The following SLIT2 variants were observed in gnomAD, a reference collection of about 807,000 sequenced individuals.
The protein encoded by SLIT2 is slit homolog 2 protein.
SLIT2 carries 41 observed loss-of-function variants against 185.7 expected under a neutral mutation model. The ratio of observed to expected loss-of-function variants is 0.22; its 90% CI spans 0.17 to 0.29. The LOEUF is 0.29. Among genes scored for constraint, SLIT2 ranks in the 10% least tolerant of loss-of-function variants. SLIT2 has a pLI of 1.00. For synonymous variants in SLIT2, 693 were observed against 680.2 expected, an observed-to-expected ratio of 1.02 and a Z score of -0.29; for missense variants, 1,571 against 1,909.0, an observed-to-expected ratio of 0.82 and a Z score of 3.30.
intron 4 of SLIT2, among the ~76,000 whole-genome samples, chr4:20,298,045 G>A (rs1002602616): frequency 2.0e-5 from 3 of 151,448 alleles, no homozygotes; most frequent in Admixed American, 6.6e-5. Context: ...AAAGGCATAT[G>A]TGCAGAAAAG....
rs1207172462 is a variant in SLIT2, at chr4:20,417,442, A to G, written c.396-50310A>G. 4.8e-5 allele frequency among the ~76,000 whole-genome samples: 7 copies of G among 144,456 alleles called. 1 individual carries two copies. Among genetic ancestry groups the G allele is most frequent in the South Asian group, 2.1e-4 (1 of 4,700 alleles). The allele number at this position is 144,456 out of a possible 152,430, so 94.8% of individuals were successfully genotyped here. ...CATATATATATGTGTGTGTGTATAT[A>G]TATATATATATATATACGTATATAT... is the stretch of plus-strand genomic sequence containing the variant. On this transcript the variant is annotated intron_variant, in intron 4 of 36. Coordinates refer to ENST00000504154, the MANE Select transcript of SLIT2 (RefSeq NM_004787.4).
rs189892678 is a variant in SLIT2, at chr4:20,552,668, G to A, written c.2562-1137G>A. The A allele has an allele frequency of 2.1e-4, 32 of 152,138 alleles. No homozygotes were observed. In the Middle Eastern group the frequency reaches 0.01, roughly 49 times the overall value. The allele number at this position is 152,138 out of a possible 1,614,324, so 9.4% of individuals were successfully genotyped here. On this transcript the variant is annotated intron_variant, in intron 25 of 36. Transcript: ENST00000504154. Reference sequence around the variant, plus strand: ...ATTCACTACATTCTGATTCTTAAACGGGGCATTAAAACTTCCACAGTATCG... The same window carrying A: ...ATTCACTACATTCTGATTCTTAAACAGGGCATTAAAACTTCCACAGTATCG...
chr4:20,616,178 C>A (rs1164011673), intron 34 of SLIT2: 1 of 152,174 alleles, frequency 6.6e-6, no homozygotes. Flanking sequence ...GAGGTGCTGT[C>A]CTGAAAAGAA....
At chr4:20,501,580 G>A (rs939214920) in intron 9 of SLIT2, among the ~76,000 whole-genome samples, 4 of 152,222 alleles carry the variant, frequency 2.6e-5, no homozygotes, top group South Asian at 2.1e-4. Context: ...CACCACACCC[G>A]GCAGATTCTC....
At chr4:20,360,023 G>A (rs1386377094) in intron 4 of SLIT2, among the ~76,000 whole-genome samples, 2 of 152,068 alleles carry the variant, frequency 1.3e-5, no homozygotes, top group African/African-American at 2.4e-5. Flanking sequence ...TGGTACCTAG[G>A]TAGGAAAATG....
chr4:20,308,803 T>C (rs1717812259), intron 4 of SLIT2, among the ~76,000 whole-genome samples: 1 of 152,182 alleles, frequency 6.6e-6, no homozygotes, highest in Non-Finnish European at 1.5e-5. Flanking sequence ...TAATGTCAAG[T>C]TTCTAGTTGT....
intron 3 of SLIT2, among the ~76,000 whole-genome samples, chr4:20,264,139 G>A (rs1037899817): frequency 2.4e-4 from 37 of 151,814 alleles, no homozygotes; most frequent in African/African-American, 8.2e-4. Flanking sequence ...AAGGGATTAA[G>A]TTATCATTGA....
intron 21 of SLIT2, among the ~76,000 whole-genome samples, chr4:20,545,434 A>G (rs889902887): frequency 4.0e-5 from 6 of 150,398 alleles, no homozygotes; most frequent in Non-Finnish European, 8.8e-5. Flanking sequence ...TTACTTATAT[A>G]TGGTTATTTG....
At position 20,521,631 on chromosome 4, in the gene SLIT2, G is replaced by A. The variant is rs1459115765; in HGVS notation, c.1131-2129G>A. On this transcript the variant is annotated intron_variant, in intron 12 of 36. Coordinates refer to ENST00000504154, the MANE Select transcript of SLIT2 (RefSeq NM_004787.4). Reference sequence around the variant, plus strand: ...TTGAGTTGTGGCCCAGGGAGGAGAGGTGTGGGGTTAATCAGCCCCTGTCAC... The same window carrying A: ...TTGAGTTGTGGCCCAGGGAGGAGAGATGTGGGGTTAATCAGCCCCTGTCAC... Among the ~76,000 whole-genome samples the A allele has an allele frequency of 2.6e-5, 4 of 152,116 alleles. 1 individual carries two copies. The highest frequency in any genetic ancestry group is 1.3e-4 in the Admixed American group (2 of 15,270).
intron 4 of SLIT2, among the ~76,000 whole-genome samples, chr4:20,309,697 T>C (rs1220511514): frequency 6.6e-6 from 1 of 151,710 alleles, no homozygotes; most frequent in Non-Finnish European, 1.5e-5. Context: ...CTCAGTGTCC[T>C]TTACTGTACT....
At chr4:20,267,697 C>T (rs2109026448) in intron 3 of SLIT2, among the ~76,000 whole-genome samples, 1 of 151,908 alleles carries the variant, frequency 6.6e-6, no homozygotes, top group Admixed American at 6.6e-5. Flanking sequence ...CCCATTTCTG[C>T]CCTCTGGAGA....
At chr4:20,364,750 A>T (rs1265883953) in intron 4 of SLIT2, among the ~76,000 whole-genome samples, 1 of 152,106 alleles carries the variant, frequency 6.6e-6, no homozygotes, top group Non-Finnish European at 1.5e-5. Flanking sequence ...TTTAAACCCA[A>T]TTCTTAACTT....
chr4:20,273,603 T>C (rs1713861621), intron 4 of SLIT2, among the ~76,000 whole-genome samples: 1 of 152,148 alleles, frequency 6.6e-6, no homozygotes, highest in Non-Finnish European at 1.5e-5. Flanking sequence ...TTGATTCCCC[T>C]AGGTTTCTCA....
chr4:20,513,210 G>A (rs1719911726), intron 11 of SLIT2, among the ~76,000 whole-genome samples: 1 of 152,202 alleles, frequency 6.6e-6, no homozygotes, highest in Non-Finnish European at 1.5e-5. Flanking sequence ...CTGCAGTTAA[G>A]TCAGGGAGTT....
intron 8 of SLIT2, chr4:20,490,730 A>T: frequency 1.9e-6 from 2 of 1,051,876 alleles, no homozygotes; most frequent in Non-Finnish European, 2.8e-6. Context: ...TTAAAAAATT[A>T]AATAATGAAA....
At chr4:20,561,096 A>C (rs950268786) in intron 26 of SLIT2, among the ~76,000 whole-genome samples, 1 of 151,878 alleles carries the variant, frequency 6.6e-6, no homozygotes, top group African/African-American at 2.4e-5. Context: ...CTTCTTTTGA[A>C]TCAAATGGAG....
intron 10 of SLIT2, 38 bp from the exon 11 acceptor site, chr4:20,511,028 T>C: frequency 7.7e-7 from 1 of 1,300,248 alleles, no homozygotes. Context: ...CTCACTGACA[T>C]TTGATTGAAT....
At chr4:20,540,055 G>A (rs1034218619) in intron 19 of SLIT2, among the ~76,000 whole-genome samples, 3 of 33,368 alleles carry the variant, frequency 9.0e-5, no homozygotes, top group Non-Finnish European at 1.5e-4. Context: ...TGAGGCGGGC[G>A]GATTACTTGA....
chr4:20,308,131 G>A (rs1253541039), intron 4 of SLIT2, among the ~76,000 whole-genome samples: 1 of 152,178 alleles, frequency 6.6e-6, no homozygotes. Flanking sequence ...GCTTCATGGA[G>A]AGGTGTAGCT....
Sources: gnomAD v4.1 joint callset for allele counts (sites outside exome capture counted in the v4.1 genomes callset) on GRCh38, gnomAD v4.1.1 for gene constraint, MANE v1.5 for transcripts, NCBI Gene and HGNC (gene_info 2026-07-23, HGNC 2026-07-21) for gene names.